The following NCOA3 variants were observed in gnomAD, a reference collection of about 807,000 sequenced individuals.
NCOA3 encodes nuclear receptor coactivator 3, also known as CBP-interacting protein.
A neutral mutation model predicts 158.8 loss-of-function variants in NCOA3; 51 were observed. The observed-to-expected ratio is 0.32, with a 90% CI of 0.26 to 0.41. The LOEUF (loss-of-function observed/expected upper bound fraction) is 0.41, where lower values mean the gene tolerates loss of function less well. Among genes scored for constraint, NCOA3 ranks in the 10% least tolerant of loss-of-function variants. The pLI, the probability that NCOA3 is intolerant of heterozygous loss-of-function variation, is 1.00. For synonymous variants in NCOA3, 537 were observed against 592.4 expected (o/e 0.91, Z 1.36); for missense variants, 1,510 against 1,746.6 (o/e 0.86, Z 2.41).
In NCOA3 at chr20:47,560,139, G is replaced by T. The variant is rs141196321; in HGVS notation, c.-98-23044G>T. Among the ~76,000 whole-genome samples the T allele has an allele frequency of 7.4e-3, 1,121 of 152,224 alleles. 15 individuals are homozygous for T. Among genetic ancestry groups the T allele is most frequent in the African/African-American group, 0.025 (1,059 of 41,536 alleles). On this transcript the variant is annotated intron_variant, in intron 1 of 22. Transcript: ENST00000371998. ...CTGTTGCCCAGGCTAGAGTGCTGTG[G>T]CACAATCTTGGCTCACTGCAACCTT... is the stretch of plus-strand genomic sequence containing the variant.
chr20:47,580,857 T>C (rs1274783045), intron 1 of NCOA3, among the ~76,000 whole-genome samples: 1 of 152,104 alleles, frequency 6.6e-6, no homozygotes, highest in Non-Finnish European at 1.5e-5. Flanking sequence ...TCCCAACACT[T>C]TGGGAGGCCG....
intron 12 of NCOA3, among the ~76,000 whole-genome samples, chr20:47,637,440 A>G (rs1036641218): frequency 1.2e-4 from 18 of 152,232 alleles, no homozygotes; most frequent in Non-Finnish European, 1.3e-4. Context: ...TGCCCCTTTG[A>G]AAGGACCAAA....
At chr20:47,583,975 T>C (rs2085493672) in intron 2 of NCOA3, among the ~76,000 whole-genome samples, 1 of 151,230 alleles carries the variant, frequency 6.6e-6, no homozygotes, top group South Asian at 2.1e-4. Context: ...AAAAAAGAAA[T>C]AGAAAAAAGG....
chr20:47,636,625 C>A lies in NCOA3; in HGVS notation c.2239C>A (p.Pro747Thr), dbSNP rs1291678299. Residue 747 changes from proline to threonine, a missense_variant, in exon 12 of 23, where the codon CCT becomes ACT. Coordinates refer to ENST00000371998, the MANE Select transcript of NCOA3 (RefSeq NM_181659.3). ...TAGATACCTGCTGGACAGGGATGAT[C>A]CTAGTGATGCACTCTCTAAAGAACT... ...LLRYLLDRDD[P>T]SDALSKELQP... is the part of the protein sequence containing the mutation. The A allele has an allele frequency of 1.9e-5, 30 of 1,614,008 alleles. No homozygotes were observed. Among genetic ancestry groups the A allele is most frequent in the Non-Finnish European group, 2.5e-5 (30 of 1,180,038 alleles).
At chr20:47,547,035 C>A (rs1244559459) in intron 1 of NCOA3, among the ~76,000 whole-genome samples, 1 of 152,170 alleles carries the variant, frequency 6.6e-6, no homozygotes, top group East Asian at 1.9e-4. Flanking sequence ...CCCTTACCAC[C>A]CTATTTAATA....
At chr20:47,568,828 A>G (rs1048682400) in intron 1 of NCOA3, among the ~76,000 whole-genome samples, 2 of 152,070 alleles carry the variant, frequency 1.3e-5, no homozygotes, top group Non-Finnish European at 2.9e-5. Context: ...AAAAATGCTG[A>G]TTGATCATCT....
At chr20:47,628,771 G>T (rs1315920761) in intron 8 of NCOA3, 3 of 152,068 alleles carry the variant, frequency 2.0e-5, no homozygotes, top group African/African-American at 7.2e-5. Context: ...TTTAATCATA[G>T]AAATAAAAAA....
intron 2 of NCOA3, among the ~76,000 whole-genome samples, chr20:47,598,251 A>G (rs960214162): frequency 1.4e-4 from 21 of 151,414 alleles, no homozygotes; most frequent in Non-Finnish European, 1.8e-4. Context: ...TGTCTCAAAA[A>G]AAAAAAAAAA....
intron 1 of NCOA3, among the ~76,000 whole-genome samples, chr20:47,561,404 G>A (rs2146181248): frequency 6.6e-6 from 1 of 150,856 alleles, no homozygotes; most frequent in Non-Finnish European, 1.5e-5. Flanking sequence ...GGGCTCAAGT[G>A]ATCCTCTTGC....
At chr20:47,627,851 T>C (rs2086347774) in intron 7 of NCOA3, 71 bp from the exon 8 acceptor site, 2 of 1,573,378 alleles carry the variant, frequency 1.3e-6, no homozygotes, top group South Asian at 2.2e-5. Flanking sequence ...TTCCATGTCT[T>C]TGCTTGCCTA....
chr20:47,632,959 G>A (rs1206373440), intron 8 of NCOA3, among the ~76,000 whole-genome samples: 2 of 152,140 alleles, frequency 1.3e-5, no homozygotes, highest in African/African-American at 4.8e-5. Context: ...GGGATTACAG[G>A]CGTGAGGCAC....
Position 47,656,117 on chromosome 20 carries a change from A to G in NCOA3, c.*2700A>G, listed in dbSNP as rs1602559308. ...TGCTTTTAGAATGTGGGATATTTCCAGTACCTACTTTTTTTTTTTTTTTTT... is the reference window on the plus strand; with the variant it reads ...TGCTTTTAGAATGTGGGATATTTCCGGTACCTACTTTTTTTTTTTTTTTTT... On this transcript the variant is annotated 3_prime_UTR_variant, in exon 23 of 23. Coordinates refer to ENST00000371998, the MANE Select transcript of NCOA3 (RefSeq NM_181659.3). 1 of 144,602 alleles carries G rather than the reference A, an allele frequency of 6.9e-6. No homozygotes were observed. The highest frequency in any genetic ancestry group is 7.0e-5 in the Admixed American group (1 of 14,374). The allele number at this position is 144,602 out of a possible 1,614,324, so 9.0% of individuals were successfully genotyped here.
At chr20:47,514,936 C>A (rs570346523) in intron 1 of NCOA3, among the ~76,000 whole-genome samples, 40 of 151,682 alleles carry the variant, frequency 2.6e-4, no homozygotes, top group African/African-American at 8.9e-4. Context: ...GCACTTGCCT[C>A]AGCCTCCCAA....
intron 1 of NCOA3, among the ~76,000 whole-genome samples, chr20:47,540,348 T>C (rs1431299241): frequency 6.6e-6 from 1 of 151,944 alleles, no homozygotes; most frequent in Admixed American, 6.6e-5. Context: ...CCGATGAGGG[T>C]GGATCATCTG....
At chr20:47,548,683 A>C (rs969050166) in intron 1 of NCOA3, among the ~76,000 whole-genome samples, 34 of 152,342 alleles carry the variant, frequency 2.2e-4, no homozygotes, top group African/African-American at 8.2e-4. Context: ...AAAAGTGTGC[A>C]TGTATATTAT....
intron 1 of NCOA3, among the ~76,000 whole-genome samples, chr20:47,505,084 A>T (rs6090689): frequency 1 from 89,757 of 89,764 alleles, 44,875 homozygotes; most frequent in Middle Eastern, 1. Context: ...TTTTTTGAGA[A>T]GGAAATTTGC....
At chr20:47,556,022 C>T (rs930619765) in intron 1 of NCOA3, among the ~76,000 whole-genome samples, 5 of 150,050 alleles carry the variant, frequency 3.3e-5, no homozygotes, top group Admixed American at 2.7e-4. Flanking sequence ...GCAATCTCTG[C>T]CTCCCGGATT....
chr20:47,608,732 C>T (rs1032195043), intron 2 of NCOA3, among the ~76,000 whole-genome samples: 1 of 151,180 alleles, frequency 6.6e-6, no homozygotes, highest in East Asian at 1.9e-4. Context: ...GAAGTTATTA[C>T]AGGTTTCCAG....
At chr20:47,505,010 T>TTG (rs1358805580) in intron 1 of NCOA3, among the ~76,000 whole-genome samples, 1 of 101,272 alleles carries the variant, frequency 9.9e-6, no homozygotes, top group African/African-American at 3.2e-5. Flanking sequence ...TTGGTTTTTT[T>TTG]TTTTTTTTTT....
Sources: gnomAD v4.1 joint callset for allele counts (sites outside exome capture counted in the v4.1 genomes callset) on GRCh38, gnomAD v4.1.1 for gene constraint, MANE v1.5 for transcripts, NCBI Gene and HGNC (gene_info 2026-07-23, HGNC 2026-07-21) for gene names.